The following ADAMTSL1 variants were observed in gnomAD, a reference collection of about 807,000 sequenced individuals.
ADAMTSL1 encodes the protein ADAMTS like 1.
A neutral mutation model predicts 201.8 loss-of-function variants in ADAMTSL1; 126 were observed. That is an observed-to-expected ratio of 0.62 (90% CI 0.54 to 0.72). ADAMTSL1 has a LOEUF of 0.72. Ranked by LOEUF, ADAMTSL1 falls within the 30% of genes least tolerant of loss-of-function variation. The pLI, the probability that ADAMTSL1 is intolerant of heterozygous loss-of-function variation, is 0.00. For missense variants in ADAMTSL1, 2,679 were observed against 2,277.8 expected, an observed-to-expected ratio of 1.18 and a Z score of -3.59; for synonymous variants, 1,121 against 903.4, an observed-to-expected ratio of 1.24 and a Z score of -4.32.
At position 18,401,931 on chromosome 9, in the gene ADAMTSL1, T is replaced by C. The variant is rs114965723; in HGVS notation, c.208-102898T>C. 3.3e-3 allele frequency among the ~76,000 whole-genome samples: 495 copies of C among 152,304 alleles called. 2 individuals carry two copies. Among genetic ancestry groups the C allele is most frequent in the African/African-American group, 0.011 (477 of 41,556 alleles). On this transcript the variant is annotated intron_variant, in intron 2 of 29. Coordinates refer to the ADAMTSL1 transcript ENST00000680146. ...AGCATTTCTAGCACAAGTAAATATG[T>C]AAATATTAAATGTGCATATATCATA...
At chr9:18,188,179 A>G (rs914387553) in intron 2 of ADAMTSL1, among the ~76,000 whole-genome samples, 4 of 152,010 alleles carry the variant, frequency 2.6e-5, no homozygotes, top group South Asian at 4.1e-4. Context: ...CACCAGCACA[A>G]CTCCTTTTCC....
At chr9:18,854,432 C>T (rs905222134) in intron 23 of ADAMTSL1, among the ~76,000 whole-genome samples, 2 of 152,064 alleles carry the variant, frequency 1.3e-5, no homozygotes, top group Admixed American at 6.6e-5. Flanking sequence ...AAAAATATAC[C>T]ATACAGATAC....
chr9:18,514,391 A>G (rs1818237007), intron 2 of ADAMTSL1, among the ~76,000 whole-genome samples: 1 of 132,538 alleles, frequency 7.5e-6, no homozygotes, highest in Non-Finnish European at 1.5e-5. Flanking sequence ...GTGCAGCGGC[A>G]CTATCTCGGC....
In ADAMTSL1 at chr9:18,372,195, A is replaced by G. The variant is rs143302755; in HGVS notation, c.208-132634A>G. Among the ~76,000 whole-genome samples the G allele has an allele frequency of 3.4e-3, 519 of 152,292 alleles. 3 individuals carry two copies. Among genetic ancestry groups the G allele is most frequent in the African/African-American group, 0.012 (493 of 41,552 alleles). Reference sequence around the variant, plus strand: ...CACTTAAAACAAGAGGGAATACATAACAAAGTAACCTAGAAACTGACTTAG... The same window carrying G: ...CACTTAAAACAAGAGGGAATACATAGCAAAGTAACCTAGAAACTGACTTAG... On this transcript the variant is annotated intron_variant, in intron 2 of 29. Transcript: ENST00000680146.
chr9:18,448,077 A>G (rs1195674224), intron 2 of ADAMTSL1, among the ~76,000 whole-genome samples: 1 of 152,214 alleles, frequency 6.6e-6, no homozygotes, highest in Non-Finnish European at 1.5e-5. Flanking sequence ...CCAGAAAACA[A>G]GAGAAAACAA....
intron 4 of ADAMTSL1, among the ~76,000 whole-genome samples, chr9:18,586,906 G>A (rs6475234): frequency 0.51 from 77,244 of 151,810 alleles, 19,905 homozygotes; most frequent in East Asian, 0.62. Flanking sequence ...CAGAAGACTG[G>A]AACTGGACCC....
intron 23 of ADAMTSL1, among the ~76,000 whole-genome samples, chr9:18,882,031 G>C (rs1318707019): frequency 6.6e-6 from 1 of 152,158 alleles, no homozygotes; most frequent in Admixed American, 6.5e-5. Context: ...TGTGATTTTT[G>C]TGCAAATATT....
intron 2 of ADAMTSL1, among the ~76,000 whole-genome samples, chr9:18,289,020 T>A (rs1013635149): frequency 6.6e-6 from 1 of 152,206 alleles, no homozygotes; most frequent in African/African-American, 2.4e-5. Flanking sequence ...AAACTGTAAA[T>A]TATATGAGTC....
intron 15 of ADAMTSL1, among the ~76,000 whole-genome samples, chr9:18,737,011 A>G (rs1353465285): frequency 6.6e-6 from 1 of 152,184 alleles, no homozygotes; most frequent in African/African-American, 2.4e-5. Context: ...CTCTGCCTGA[A>G]AGGCCAATTA....
In ADAMTSL1 at chr9:18,580,119, A is replaced by G. The variant is rs139738365; in HGVS notation, c.474+5853A>G. On this transcript the variant is annotated intron_variant, in intron 4 of 28. Transcript: ENST00000380548. ...CATATTTATAATATTGCTTATTGCT[A>G]TTTCAAAAAATTAAGCATTTCAAAA... Among the ~76,000 whole-genome samples, 40 of 152,310 alleles carry G rather than the reference A, an allele frequency of 2.6e-4. No homozygotes were observed. The East Asian group carries it at 7.7e-3, about 29-fold the overall frequency.
chr9:18,695,671 A>G (rs1831508056), intron 13 of ADAMTSL1, among the ~76,000 whole-genome samples: 1 of 152,152 alleles, frequency 6.6e-6, no homozygotes, highest in Non-Finnish European at 1.5e-5. Flanking sequence ...GATTACAACA[A>G]TTTACCAAGT....
At chr9:18,903,221 A>AG (rs1363729708) in intron 26 of ADAMTSL1, among the ~76,000 whole-genome samples, 1 of 152,186 alleles carries the variant, frequency 6.6e-6, no homozygotes, top group East Asian at 1.9e-4. Flanking sequence ...AGAAAAAAGA[A>AG]ACCAAGTATT....
At chr9:18,906,401 G>T (rs1269046767) in intron 27 of ADAMTSL1, among the ~76,000 whole-genome samples, 1 of 152,210 alleles carries the variant, frequency 6.6e-6, no homozygotes, top group Non-Finnish European at 1.5e-5. Flanking sequence ...AGCCCAGCCT[G>T]TGAGACCAGG....
chr9:18,787,622 G>C (rs1821780129), intron 19 of ADAMTSL1, among the ~76,000 whole-genome samples: 1 of 152,124 alleles, frequency 6.6e-6, no homozygotes, highest in South Asian at 2.1e-4. Context: ...TCTAGTAAAG[G>C]GCCAAATAGT....
At chr9:18,677,284 C>T (rs1253826266) in intron 10 of ADAMTSL1, among the ~76,000 whole-genome samples, 4 of 151,864 alleles carry the variant, frequency 2.6e-5, no homozygotes, top group Admixed American at 2.6e-4. Context: ...TTGATAAAGA[C>T]AATAAATAGC....
chr9:18,822,748 A>T (rs1824290279), intron 21 of ADAMTSL1, among the ~76,000 whole-genome samples: 1 of 152,190 alleles, frequency 6.6e-6, no homozygotes, highest in South Asian at 2.1e-4. Flanking sequence ...AAAATAAGTG[A>T]TTGTGTTTAT....
intron 9 of ADAMTSL1, among the ~76,000 whole-genome samples, chr9:18,667,851 C>T (rs1426793089): frequency 6.6e-6 from 1 of 151,966 alleles, no homozygotes; most frequent in African/African-American, 2.4e-5. Flanking sequence ...ACTGTAAGTC[C>T]TAGGAAAATA....
intron 1 of ADAMTSL1, among the ~76,000 whole-genome samples, chr9:18,006,501 C>T (rs1819834176): frequency 6.6e-6 from 1 of 151,894 alleles, no homozygotes; most frequent in Non-Finnish European, 1.5e-5. Context: ...GTGCTTAATA[C>T]ATGTCCTGGA....
rs181604746 is a variant in ADAMTSL1, at chr9:17,956,515, A to G, written c.87+49593A>G. On this transcript the variant is annotated intron_variant, in intron 1 of 29. Coordinates refer to the ADAMTSL1 transcript ENST00000680146. ...AAAACAGCAGAAAATTCCAGAGTAAACCAGCTTATGCTTGGGAAGCCCGGG... is the reference window on the plus strand; with the variant it reads ...AAAACAGCAGAAAATTCCAGAGTAAGCCAGCTTATGCTTGGGAAGCCCGGG... Among the ~76,000 whole-genome samples, 7 of 152,256 alleles carry G rather than the reference A, an allele frequency of 4.6e-5. No homozygotes were observed. In the East Asian group the frequency reaches 1.2e-3, roughly 25 times the overall value.
Sources: gnomAD v4.1 joint callset for allele counts (sites outside exome capture counted in the v4.1 genomes callset) on GRCh38, gnomAD v4.1.1 for gene constraint, MANE v1.5 for transcripts, NCBI Gene and HGNC (gene_info 2026-07-23, HGNC 2026-07-21) for gene names.